CNTN4: variants seen among roughly 807,000 people sequenced by gnomAD.
CNTN4 encodes the protein contactin-4.
In CNTN4, 77 loss-of-function variants were observed where a neutral mutation model predicts 122.5. The ratio of observed to expected loss-of-function variants is 0.63; its 90% CI spans 0.52 to 0.76. CNTN4 has a LOEUF of 0.76. Ranked by LOEUF, CNTN4 falls within the 30% of genes least tolerant of loss-of-function variation. CNTN4 has a pLI of 0.00. For missense variants in CNTN4, 1,256 were observed against 1,259.1 expected (o/e 1.00, Z 0.04); for synonymous variants, 512 against 447.0 (o/e 1.15, Z -1.83).
chr3:3,016,926 G>T (rs1483126166), intron 14 of CNTN4, among the ~76,000 whole-genome samples: 1 of 152,092 alleles, frequency 6.6e-6, no homozygotes. Flanking sequence ...ACGCCGACTG[G>T]GGTCAAAATT....
chr3:2,528,845 A>G (rs960250470), intron 3 of CNTN4, among the ~76,000 whole-genome samples: 15 of 152,206 alleles, frequency 9.9e-5, no homozygotes, highest in Admixed American at 8.5e-4. Context: ...ATAATTATAT[A>G]TATTTATGAA....
intron 4 of CNTN4, among the ~76,000 whole-genome samples, chr3:2,608,628 C>T (rs577782243): frequency 2.0e-3 from 299 of 152,214 alleles, no homozygotes; most frequent in Non-Finnish European, 3.6e-3. Context: ...ATTACAGGCA[C>T]GTGCCACCAT....
intron 14 of CNTN4, among the ~76,000 whole-genome samples, chr3:3,007,113 T>G (rs1574799609): frequency 6.8e-6 from 1 of 146,578 alleles, no homozygotes; most frequent in East Asian, 1.9e-4. Context: ...AAATCATTAC[T>G]GTATATCTAC....
At chr3:2,829,500 G>A (rs1180668230) in intron 7 of CNTN4, among the ~76,000 whole-genome samples, 1 of 152,162 alleles carries the variant, frequency 6.6e-6, no homozygotes, top group Non-Finnish European at 1.5e-5. Context: ...TTGGGGCCTG[G>A]CATGTCTACA....
intron 16 of CNTN4, among the ~76,000 whole-genome samples, chr3:3,031,701 C>A (rs545270690): frequency 6.6e-6 from 1 of 152,264 alleles, no homozygotes; most frequent in African/African-American, 2.4e-5. Flanking sequence ...AAAATCTTCA[C>A]TAACCAGTGT....
At chr3:2,206,015 C>A (rs977194165) in intron 2 of CNTN4, among the ~76,000 whole-genome samples, 13 of 152,132 alleles carry the variant, frequency 8.5e-5, no homozygotes, top group Admixed American at 3.3e-4. Flanking sequence ...AGTTCTGTTT[C>A]TTTGTAGGCA....
At chr3:2,754,921 T>C (rs1412898084) in intron 6 of CNTN4, among the ~76,000 whole-genome samples, 1 of 152,176 alleles carries the variant, frequency 6.6e-6, no homozygotes, top group African/African-American at 2.4e-5. Context: ...GAAAAAGATC[T>C]TTCTTATGAC....
chr3:2,892,422 C>T (rs1436590555), intron 10 of CNTN4, among the ~76,000 whole-genome samples: 1 of 152,162 alleles, frequency 6.6e-6, no homozygotes, highest in African/African-American at 2.4e-5. Flanking sequence ...AGAAGGTGTT[C>T]CTGCTACTCT....
intron 13 of CNTN4, among the ~76,000 whole-genome samples, chr3:2,963,962 T>C (rs1484632831): frequency 6.6e-6 from 1 of 152,190 alleles, no homozygotes; most frequent in Non-Finnish European, 1.5e-5. Flanking sequence ...TCTTTTCCAA[T>C]AGAGTTTAAG....
In CNTN4 at chr3:2,324,444, C is replaced by T. The variant is rs1457716030; in HGVS notation, c.-144-14734C>T. Among the ~76,000 whole-genome samples the T allele has an allele frequency of 3.3e-5, 5 of 152,076 alleles. No homozygotes were observed. The East Asian group carries it at 9.7e-4, about 29-fold the overall frequency. ...CAGAGTTATACCTTTATCCTATATC[C>T]AGAAGCATAAGACGGTAACTTAAAA... On this transcript the variant is annotated intron_variant, in intron 2 of 24. Transcript: ENST00000418658.
chr3:2,203,512 A>G (rs1379667322), intron 2 of CNTN4, among the ~76,000 whole-genome samples: 1 of 152,088 alleles, frequency 6.6e-6, no homozygotes, highest in Non-Finnish European at 1.5e-5. Flanking sequence ...AGAGCATGTT[A>G]TATATACCTG....
At chr3:2,380,933 A>C (rs1278252143) in intron 3 of CNTN4, among the ~76,000 whole-genome samples, 2 of 151,312 alleles carry the variant, frequency 1.3e-5, no homozygotes, top group African/African-American at 2.4e-5. Context: ...CAACACTGTT[A>C]TTTTCTATTG....
chr3:2,442,453 G>A (rs1311276580), intron 3 of CNTN4, among the ~76,000 whole-genome samples: 1 of 152,042 alleles, frequency 6.6e-6, no homozygotes, highest in African/African-American at 2.4e-5. Flanking sequence ...TATCTGCAAA[G>A]CATTCTACTA....
chr3:2,324,066 G>C (rs921900343), intron 2 of CNTN4, among the ~76,000 whole-genome samples: 1 of 152,134 alleles, frequency 6.6e-6, no homozygotes, highest in Non-Finnish European at 1.5e-5. Context: ...AGCACTCCTG[G>C]CCTCTACTAT....
chr3:3,026,884 T>G (rs74319804), intron 15 of CNTN4, among the ~76,000 whole-genome samples: 2,836 of 152,290 alleles, frequency 0.019, 89 homozygotes, highest in African/African-American at 0.065. Context: ...AGGTTAAATC[T>G]GGGAACAATT....
At chr3:2,518,304 C>G (rs1172387595) in intron 3 of CNTN4, among the ~76,000 whole-genome samples, 1 of 152,096 alleles carries the variant, frequency 6.6e-6, no homozygotes, top group African/African-American at 2.4e-5. Context: ...AGGGCTGTGT[C>G]TAAATGATAC....
At chr3:2,159,382 A>C (rs1207919250) in intron 2 of CNTN4, among the ~76,000 whole-genome samples, 7 of 152,182 alleles carry the variant, frequency 4.6e-5, no homozygotes. Context: ...TTAGGCATAA[A>C]TTATCTACTT....
At chr3:2,603,273 G>T (rs780288752) in intron 4 of CNTN4, among the ~76,000 whole-genome samples, 2 of 152,102 alleles carry the variant, frequency 1.3e-5, no homozygotes, top group Non-Finnish European at 2.9e-5. Flanking sequence ...TTGAAATGCA[G>T]CGTATTTCTT....
intron 13 of CNTN4, among the ~76,000 whole-genome samples, chr3:2,978,813 GCTCTGCCATCCTCCC>G (rs745986276): frequency 1.3e-5 from 2 of 152,210 alleles, no homozygotes; most frequent in Non-Finnish European, 2.9e-5. Context: ...TCCTGTGACA[GCTCTGCCATCCTCCC>G]CTCTGCCATC....
Sources: allele counts gnomAD v4.1 joint callset (sites outside exome capture counted in the v4.1 genomes callset), GRCh38; gene constraint gnomAD v4.1.1; transcripts MANE v1.5; gene names NCBI Gene and HGNC (gene_info 2026-07-23, HGNC 2026-07-21).